The following CDYL variants were observed in gnomAD, a reference collection of about 807,000 sequenced individuals.
The protein encoded by CDYL is chromodomain Y like, also known as chromodomain Y-like protein.
In CDYL, 8 loss-of-function variants were observed where a neutral mutation model predicts 47.3. The observed-to-expected ratio is 0.17, with a 90% confidence interval of 0.10 to 0.31. The LOEUF (loss-of-function observed/expected upper bound fraction) is 0.31. Ranked by LOEUF, CDYL falls within the 10% of genes least tolerant of loss-of-function variation. The probability of loss-of-function intolerance (pLI) is 1.00; values close to 1 mark genes in which losing one functional copy is unlikely to be tolerated. For missense variants in CDYL, 471 were observed against 701.4 expected (o/e 0.67, Z 3.71); for synonymous variants, 266 against 265.0 (o/e 1.00, Z -0.04).
intron 2 of CDYL, among the ~76,000 whole-genome samples, chr6:4,716,781 G>A (rs1441622011): frequency 6.6e-6 from 1 of 152,042 alleles, no homozygotes; most frequent in Non-Finnish European, 1.5e-5. Context: ...ATACGGTGTT[G>A]GGTGCACAAA....
At position 4,819,488 on chromosome 6, in the gene CDYL, A is replaced by G. The variant is rs1354946358; in HGVS notation, c.24+42681A>G. On this transcript the variant is annotated intron_variant, in intron 1 of 6. Transcript: ENST00000397588. ...CCTTTTTCTTTCTGGTCTGTTGACA[A>G]CCTTCATGTATTGGGAACTTGCTGT... Among the ~76,000 whole-genome samples, 5 of 152,106 alleles carry G rather than the reference A, an allele frequency of 3.3e-5. No individual in the cohort carries two copies. In the East Asian group the frequency reaches 7.7e-4, roughly 24 times the overall value.
At chr6:4,869,724 T>C (rs1471875606) in intron 1 of CDYL, among the ~76,000 whole-genome samples, 1 of 152,220 alleles carries the variant, frequency 6.6e-6, no homozygotes, top group Non-Finnish European at 1.5e-5. Flanking sequence ...TTACTTTGTA[T>C]CTCTCCATCT....
chr6:4,799,776 C>T (rs1450422230), intron 1 of CDYL, among the ~76,000 whole-genome samples: 1 of 152,110 alleles, frequency 6.6e-6, no homozygotes, highest in African/African-American at 2.4e-5. Flanking sequence ...TTTTTTGGTC[C>T]AATTTTATCA....
chr6:4,785,371 C>T (rs1209176955), intron 1 of CDYL, among the ~76,000 whole-genome samples: 1 of 152,144 alleles, frequency 6.6e-6, no homozygotes, highest in Non-Finnish European at 1.5e-5. Context: ...CTTTTATTTA[C>T]TTTTTGTCTT....
chr6:4,902,067 G>A (rs910569706), intron 2 of CDYL, among the ~76,000 whole-genome samples: 9 of 152,144 alleles, frequency 5.9e-5, no homozygotes, highest in Non-Finnish European at 1.0e-4. Flanking sequence ...GGGGATGAGA[G>A]GATACCCCAG....
At chr6:4,914,934 G>C (rs1757513882) in intron 2 of CDYL, among the ~76,000 whole-genome samples, 1 of 152,224 alleles carries the variant, frequency 6.6e-6, no homozygotes, top group South Asian at 2.1e-4. Flanking sequence ...ACGAGTCCAG[G>C]ACAGAGCTGG....
chr6:4,930,838 T>A (rs531925037), intron 2 of CDYL, among the ~76,000 whole-genome samples: 102 of 152,356 alleles, frequency 6.7e-4, no homozygotes, highest in African/African-American at 2.4e-3. Context: ...TAGGAAAGCC[T>A]TGGTACTCTG....
At chr6:4,815,693 T>TA (rs1554099919) in intron 1 of CDYL, among the ~76,000 whole-genome samples, 3 of 141,910 alleles carry the variant, frequency 2.1e-5, no homozygotes, top group East Asian at 2.0e-4. Context: ...TTTTTTTTTT[T>TA]ACCTTTTTTT....
At chr6:4,731,061 A>G (rs1285159668) in intron 2 of CDYL, among the ~76,000 whole-genome samples, 2 of 152,224 alleles carry the variant, frequency 1.3e-5, no homozygotes, top group Non-Finnish European at 2.9e-5. Flanking sequence ...TCCTTTGCTC[A>G]TTCCGTAACG....
intron 3 of CDYL, among the ~76,000 whole-genome samples, chr6:4,745,523 C>T (rs1291838645): frequency 2.0e-5 from 3 of 151,700 alleles, no homozygotes; most frequent in Non-Finnish European, 4.4e-5. Context: ...GAAAAGATCA[C>T]TTGAGGTCAG....
chr6:4,892,117 C>T lies in CDYL; in HGVS notation c.429C>T (p.Leu143=), dbSNP rs773303822. 8 of 1,614,218 alleles carry T rather than the reference C, an allele frequency of 5.0e-6. No individual in the cohort carries two copies. In the East Asian group the frequency reaches 6.7e-5, roughly 13 times the overall value. ...TAGCGAAGTCAGGTATCAAGATCCT[C>T]GTGCCTAAAAGCCCCGTTAAGAGCA... The part of the protein sequence containing the change: ...MDLAKSGIKI[L]VPKSPVKSRT... Residue 143 remains leucine, a synonymous_variant, in exon 2 of 7, where the codon CTC becomes CTT. Transcript: ENST00000397588.
chr6:4,782,213 G>A (rs575323509), intron 1 of CDYL, among the ~76,000 whole-genome samples: 5 of 152,244 alleles, frequency 3.3e-5, no homozygotes, highest in Non-Finnish European at 5.9e-5. Context: ...AGCTAAGGGC[G>A]TTGTAATTTC....
chr6:4,817,647 G>A (rs532193496), intron 1 of CDYL, among the ~76,000 whole-genome samples: 6 of 152,232 alleles, frequency 3.9e-5, no homozygotes, highest in South Asian at 4.1e-4. Flanking sequence ...ATTCTGCCCA[G>A]TGTTGTGTCT....
At chr6:4,822,701 A>G (rs1056695130) in intron 1 of CDYL, among the ~76,000 whole-genome samples, 1 of 152,172 alleles carries the variant, frequency 6.6e-6, no homozygotes, top group East Asian at 1.9e-4. Flanking sequence ...GCCATCTGCT[A>G]TGGAAAATGA....
At chr6:4,937,229 C>T (rs181810304) in intron 3 of CDYL, among the ~76,000 whole-genome samples, 2,741 of 151,980 alleles carry the variant, frequency 0.018, 73 homozygotes, top group African/African-American at 0.063. Flanking sequence ...CATGATGGCA[C>T]AAGCCTATAG....
At chr6:4,741,504 C>G (rs1054642915) in intron 3 of CDYL, among the ~76,000 whole-genome samples, 1 of 152,094 alleles carries the variant, frequency 6.6e-6, no homozygotes, top group Non-Finnish European at 1.5e-5. Context: ...TTCTCTGTGC[C>G]CCTCATCCTC....
chr6:4,812,979 C>T (rs924612256), intron 1 of CDYL, among the ~76,000 whole-genome samples: 3 of 152,080 alleles, frequency 2.0e-5, no homozygotes, highest in Non-Finnish European at 4.4e-5. Context: ...CTAGCTATTA[C>T]GAATAGGATT....
At chr6:4,804,391 T>C (rs1233698656) in intron 1 of CDYL, among the ~76,000 whole-genome samples, 1 of 152,240 alleles carries the variant, frequency 6.6e-6, no homozygotes, top group Non-Finnish European at 1.5e-5. Flanking sequence ...TCACCACTTT[T>C]AGAGCTGAAG....
At chr6:4,942,394 T>A (rs1437950242) in intron 4 of CDYL, among the ~76,000 whole-genome samples, 1 of 152,078 alleles carries the variant, frequency 6.6e-6, no homozygotes, top group Non-Finnish European at 1.5e-5. Flanking sequence ...AGATGCTGAG[T>A]CATGATTTTC....
Sources: allele counts gnomAD v4.1 joint callset (sites outside exome capture counted in the v4.1 genomes callset), GRCh38; gene constraint gnomAD v4.1.1; transcripts MANE v1.5; gene names NCBI Gene and HGNC (gene_info 2026-07-23, HGNC 2026-07-21).